The following CALM3 variants were observed in gnomAD, a reference collection of about 807,000 sequenced individuals.
CALM3 encodes calmodulin 3.
CALM3 carries 5 observed loss-of-function variants against 20.1 expected under a neutral mutation model. That is an observed-to-expected ratio of 0.25 (90% CI 0.13 to 0.52). The LOEUF (loss-of-function observed/expected upper bound fraction) is 0.52, where lower values mean the gene tolerates loss of function less well. CALM3 is among the 20% of genes least tolerant of loss of function. The pLI is 0.96. For synonymous variants in CALM3, 69 were observed against 68.1 expected, an observed-to-expected ratio of 1.01 and a Z score of -0.06; for missense variants, 57 against 192.8, an observed-to-expected ratio of 0.30 and a Z score of 4.17.
At chr19:46,606,027 G>T in intron 2 of CALM3, 170 bp downstream of exon 2, 1 of 618,670 alleles carries the variant, frequency 1.6e-6, no homozygotes, top group South Asian at 1.8e-5. Flanking sequence ...GCACACCAGT[G>T]CCCCAATGAC....
intron 1 of CALM3, among the ~76,000 whole-genome samples, chr19:46,604,547 GTTTT>G (rs34621966): frequency 5.2e-5 from 7 of 133,846 alleles, no homozygotes; most frequent in East Asian, 4.3e-4. Flanking sequence ...CTTCCGTTAG[GTTTT>G]TTTTTTTTTT....
rs540573042 is a variant in CALM3 at position 46,604,434 on chromosome 19, C to T, written c.4-1393C>T. Reference sequence around the variant, plus strand: ...ACTTTTCCAGAATGTGCATGTGTGCCGTTTTCTCCCTTCCTCTTTCCCCCT... The same window carrying T: ...ACTTTTCCAGAATGTGCATGTGTGCTGTTTTCTCCCTTCCTCTTTCCCCCT... On this transcript the variant is annotated intron_variant, in intron 1 of 5. Coordinates refer to ENST00000291295, the MANE Select transcript of CALM3 (RefSeq NM_005184.4). Among the ~76,000 whole-genome samples, 4 of 152,108 alleles carry T rather than the reference C, an allele frequency of 2.6e-5. No individual in the cohort carries two copies. The South Asian group carries it at 6.2e-4, about 24-fold the overall frequency.
In CALM3 at chr19:46,601,343, G is replaced by C; in HGVS notation, c.-92G>C. Reference sequence around the variant, plus strand: ...CGCGCTGCGGGCAGTGAGTGTGGAGGCGCGGACGCGCGGCGGAGCTGGAAC... The same window carrying C: ...CGCGCTGCGGGCAGTGAGTGTGGAGCCGCGGACGCGCGGCGGAGCTGGAAC... On this transcript the variant is annotated 5_prime_UTR_variant, in exon 1 of 6. Coordinates refer to ENST00000291295, the MANE Select transcript of CALM3 (RefSeq NM_005184.4). This position sits in a 1 kb window ranked among gnomAD's most constrained non-coding sequence, Gnocchi z 4.2. 2 of 1,371,100 alleles carry C rather than the reference G, an allele frequency of 1.5e-6. No individual in the cohort carries two copies. The highest frequency in any genetic ancestry group is 1.9e-6 in the Non-Finnish European group (2 of 1,027,306). 84.9% of individuals were successfully genotyped at this position (1,371,100 alleles called of 1,614,324 possible).
chr19:46,603,019 C>T (rs548757307), intron 1 of CALM3, among the ~76,000 whole-genome samples: 1 of 152,320 alleles, frequency 6.6e-6, no homozygotes, highest in East Asian at 1.9e-4. Flanking sequence ...CCTCGCTGAG[C>T]GTGTCTGTTA....
Position 46,601,492 on chromosome 19 carries a change from G to A in CALM3, c.3+55G>A. Reference sequence around the variant, plus strand: ...GCGGGCTCTGAGGCGGGCTTAACGGGGCAGGACCCCTGAGGGGGCGACAGA... The same window carrying A: ...GCGGGCTCTGAGGCGGGCTTAACGGAGCAGGACCCCTGAGGGGGCGACAGA... On this transcript the variant is annotated intron_variant, in intron 1 of 5. Transcript: ENST00000291295. The surrounding 1 kb of genome is among the most constrained non-coding windows in gnomAD (Gnocchi z 4.2). 7.1e-7 allele frequency: 1 copy of A among 1,409,570 alleles called. No homozygotes were observed. Among genetic ancestry groups the A allele is most frequent in the Non-Finnish European group, 9.3e-7 (1 of 1,074,892 alleles). 87.3% of individuals were successfully genotyped at this position (1,409,570 alleles called of 1,614,324 possible).
At chr19:46,604,313 C>T (rs888684282) in intron 1 of CALM3, among the ~76,000 whole-genome samples, 12 of 152,060 alleles carry the variant, frequency 7.9e-5, no homozygotes, top group African/African-American at 2.4e-4. Context: ...CCTGGGGCTA[C>T]CAGGTTGGCA....
chr19:46,610,220 G>C lies in CALM3; in HGVS notation c.*1067G>C, dbSNP rs1043676074. On this transcript the variant is annotated 3_prime_UTR_variant, in exon 6 of 6. Transcript: ENST00000291295. Reference sequence around the variant, plus strand: ...GGACGGCAGCTACAGCAGCCTCTGCGTCCTGGTCCGCCAGCACCTCCCGCT... The same window carrying C: ...GGACGGCAGCTACAGCAGCCTCTGCCTCCTGGTCCGCCAGCACCTCCCGCT... 6.6e-6 allele frequency: 1 copy of C among 152,636 alleles called. No individual in the cohort carries two copies. The highest frequency in any genetic ancestry group is 2.1e-4 in the South Asian group (1 of 4,828). 9.5% of individuals were successfully genotyped at this position (152,636 alleles called of 1,614,324 possible). A position where few individuals can be genotyped will look rare whatever the true frequency, so the allele number is the denominator to read the frequency against.
In CALM3 at chr19:46,602,042, G is replaced by A. The variant is rs1012641320; in HGVS notation, c.3+605G>A. Reference sequence around the variant, plus strand: ...GATGAGACTCCCGAGGGTGGGGGAGGGTGGGGGAGGGTGGTCTCCAGAGCC... The same window carrying A: ...GATGAGACTCCCGAGGGTGGGGGAGAGTGGGGGAGGGTGGTCTCCAGAGCC... On this transcript the variant is annotated intron_variant, in intron 1 of 5. Coordinates refer to ENST00000291295, the MANE Select transcript of CALM3 (RefSeq NM_005184.4). 1.9e-5 allele frequency: 23 copies of A among 1,242,286 alleles called. No homozygotes were observed. In the Middle Eastern group the frequency reaches 1.0e-3, roughly 54 times the overall value. 77.0% of individuals were successfully genotyped at this position (1,242,286 alleles called of 1,614,324 possible).
Position 46,601,546 on chromosome 19 carries a change from C to A in CALM3, c.3+109C>A. ...CAGAGTGGGGGGCGTCCGGGCCCGGCGAGAGCCTCGGGACCCTTTTCTACC... is the reference window on the plus strand; with the variant it reads ...CAGAGTGGGGGGCGTCCGGGCCCGGAGAGAGCCTCGGGACCCTTTTCTACC... On this transcript the variant is annotated intron_variant, in intron 1 of 5. Coordinates refer to ENST00000291295, the MANE Select transcript of CALM3 (RefSeq NM_005184.4). This position sits in a 1 kb window ranked among gnomAD's most constrained non-coding sequence, Gnocchi z 4.2. The A allele has an allele frequency of 9.2e-7, 1 of 1,083,126 alleles. No individual in the cohort carries two copies. Among genetic ancestry groups the A allele is most frequent in the Admixed American group, 3.9e-5 (1 of 25,920 alleles). 67.1% of individuals were successfully genotyped at this position (1,083,126 alleles called of 1,614,324 possible). A position where few individuals can be genotyped will look rare whatever the true frequency, so the allele number is the denominator to read the frequency against.
chr19:46,601,889 G>A lies in CALM3; in HGVS notation c.3+452G>A, dbSNP rs1568661787. Among the ~76,000 whole-genome samples the A allele has an allele frequency of 6.6e-6, 1 of 152,076 alleles. No homozygotes were observed. On this transcript the variant is annotated intron_variant, in intron 1 of 5. Coordinates refer to ENST00000291295, the MANE Select transcript of CALM3 (RefSeq NM_005184.4). This position sits in a 1 kb window ranked among gnomAD's most constrained non-coding sequence, Gnocchi z 4.2. ...GGTCCTGAGAGGATGCGGGGAACGG[G>A]GGACGAAGGGAGGCTGGGCTGCTCC...
upstream of CALM3, chr19:46,601,118 G>C: frequency 1.2e-6 from 1 of 804,514 alleles, no homozygotes; most frequent in Non-Finnish European, 1.9e-6. This position sits in a 1 kb window ranked among gnomAD's most constrained non-coding sequence, Gnocchi z 4.2. Flanking sequence ...GCGCGCGCGC[G>C]CCCGGCGGCA....
rs764944151 is a variant in CALM3, at chr19:46,608,357, G to A, written c.178+17G>A. On this transcript the variant is annotated intron_variant, in intron 3 of 5. Transcript: ENST00000291295. The surrounding 1 kb of genome is among the most constrained non-coding windows in gnomAD (Gnocchi z 5.5). ...ATGCAGATGGTGAGCCCCACAGAGC[G>A]CGTGGGCAGCCCTGCTCCTGGTCAC... 62 of 1,613,464 alleles carry A rather than the reference G, an allele frequency of 3.8e-5. No individual in the cohort carries two copies. Among genetic ancestry groups the A allele is most frequent in the Middle Eastern group, 1.6e-4 (1 of 6,082 alleles).
Position 46,610,033 on chromosome 19 carries a change from G to A in CALM3, c.*880G>A, listed in dbSNP as rs892263451. The A allele has an allele frequency of 6.5e-6, 1 of 152,674 alleles. No individual in the cohort carries two copies. The highest frequency in any genetic ancestry group is 1.5e-5 in the Non-Finnish European group (1 of 68,104). The allele number at this position is 152,674 out of a possible 1,614,324, so 9.5% of individuals were successfully genotyped here. On this transcript the variant is annotated 3_prime_UTR_variant, in exon 6 of 6. Transcript: ENST00000291295. ...GGGGATGGTCGCTTTGTAATGTGCTGGTTCTCTTTTTTTTTCTTTCCCCTC... is the reference window on the plus strand; with the variant it reads ...GGGGATGGTCGCTTTGTAATGTGCTAGTTCTCTTTTTTTTTCTTTCCCCTC...
In CALM3 at chr19:46,608,462, A is replaced by G. The variant is rs1234278053; in HGVS notation, c.179-20A>G. 6.2e-7 allele frequency: 1 copy of G among 1,611,892 alleles called. No homozygotes were observed. Among genetic ancestry groups the G allele is most frequent in the East Asian group, 2.2e-5 (1 of 44,868 alleles). ...AGGGCCCAGGCCAAGAGCATTCTCCATCCTTTCCCCACCTTCCAGGGAACG... is the reference window on the plus strand; with the variant it reads ...AGGGCCCAGGCCAAGAGCATTCTCCGTCCTTTCCCCACCTTCCAGGGAACG... On this transcript the variant is annotated intron_variant, in intron 3 of 5. Coordinates refer to ENST00000291295, the MANE Select transcript of CALM3 (RefSeq NM_005184.4). The surrounding 1 kb of genome is among the most constrained non-coding windows in gnomAD (Gnocchi z 5.5).
At chr19:46,601,294 C>A, upstream of CALM3, 2 of 693,706 alleles carry the variant, frequency 2.9e-6, no homozygotes, top group South Asian at 3.7e-5. This position sits in a 1 kb window ranked among gnomAD's most constrained non-coding sequence, Gnocchi z 4.2. Flanking sequence ...ACCGTTGGGG[C>A]GGGAGGCGGC....
chr19:46,605,056 G>T lies in CALM3; in HGVS notation c.4-771G>T, dbSNP rs557693089. ...CCCCAGAGTGCCCAAGCTGGAAAGG[G>T]TTAAAAACTGCAGTGCAAGCCAGCT... On this transcript the variant is annotated intron_variant, in intron 1 of 5. Transcript: ENST00000291295. The surrounding 1 kb of genome is among the most constrained non-coding windows in gnomAD (Gnocchi z 4.1). 1,044 of 152,332 alleles carry T rather than the reference G, an allele frequency of 6.9e-3. 7 individuals carry two copies. Among genetic ancestry groups the T allele is most frequent in the Non-Finnish European group, 9.9e-3 (673 of 68,076 alleles). The allele number at this position is 152,332 out of a possible 1,614,324, so 9.4% of individuals were successfully genotyped here.
chr19:46,601,738 C>T lies in CALM3; in HGVS notation c.3+301C>T, dbSNP rs1310757410. Among the ~76,000 whole-genome samples, 1 of 152,172 alleles carries T rather than the reference C, an allele frequency of 6.6e-6. No homozygotes were observed. The highest frequency in any genetic ancestry group is 1.5e-5 in the Non-Finnish European group (1 of 68,040). ...GAGGATCGGGACCCTCAGTGGGACC[C>T]CTCAAAAGGATTTTGGACCCAGGAT... On this transcript the variant is annotated intron_variant, in intron 1 of 5. Coordinates refer to ENST00000291295, the MANE Select transcript of CALM3 (RefSeq NM_005184.4). The surrounding 1 kb of genome is among the most constrained non-coding windows in gnomAD (Gnocchi z 4.2).
upstream of CALM3, chr19:46,601,318 C>T (rs1971608483): frequency 1.0e-6 from 1 of 986,100 alleles, no homozygotes; most frequent in Non-Finnish European, 1.3e-6. This position sits in a 1 kb window ranked among gnomAD's most constrained non-coding sequence, Gnocchi z 4.2. Context: ...GGCGGCGGCG[C>T]GCGCTGCGGG....
chr19:46,606,164 T>G (rs2122232602), intron 2 of CALM3: 1 of 319,194 alleles, frequency 3.1e-6, no homozygotes, highest in East Asian at 8.1e-5. Context: ...CTCTCCCAGC[T>G]TCAGCCAGGT....
Sources: allele counts gnomAD v4.1 joint callset (sites outside exome capture counted in the v4.1 genomes callset), GRCh38; gene constraint gnomAD v4.1.1; non-coding constraint Gnocchi (gnomAD v3.1); transcripts MANE v1.5; gene names NCBI Gene and HGNC (gene_info 2026-07-23, HGNC 2026-07-21).